FAM171A1: variants seen among roughly 807,000 people sequenced by gnomAD.
FAM171A1 encodes family with sequence similarity 171 member A1.
Under a neutral mutation model 74.9 loss-of-function variants are expected in FAM171A1, and 23 were observed. The ratio of observed to expected loss-of-function variants is 0.31; its 90% CI spans 0.22 to 0.44. FAM171A1 has a LOEUF of 0.44. FAM171A1 is among the 20% of genes least tolerant of loss of function. The pLI is 1.00. For missense variants in FAM171A1, 1,162 were observed against 1,159.2 expected, an observed-to-expected ratio of 1.00 and a Z score of -0.03; for synonymous variants, 527 against 505.7, an observed-to-expected ratio of 1.04 and a Z score of -0.57.
intron 3 of FAM171A1, among the ~76,000 whole-genome samples, chr10:15,256,932 G>A (rs1255846333): frequency 3.3e-5 from 5 of 152,012 alleles, no homozygotes; most frequent in Non-Finnish European, 5.9e-5. Flanking sequence ...TCCTCACTCC[G>A]GATGATATAA....
intron 6 of FAM171A1, among the ~76,000 whole-genome samples, chr10:15,219,605 G>C (rs1564613646): frequency 6.6e-6 from 1 of 151,970 alleles, no homozygotes. Flanking sequence ...TTTTTGAGAG[G>C]GTGTCTCGCT....
At chr10:15,233,555 T>TGTGTGC (rs1004126514) in intron 5 of FAM171A1, among the ~76,000 whole-genome samples, 3 of 149,270 alleles carry the variant, frequency 2.0e-5, no homozygotes, top group South Asian at 2.1e-4. Flanking sequence ...TGTGTGTGTG[T>TGTGTGC]GCATGTGTGT....
chr10:15,295,051 G>A (rs974089276), intron 1 of FAM171A1, among the ~76,000 whole-genome samples: 11 of 152,092 alleles, frequency 7.2e-5, no homozygotes, highest in African/African-American at 2.7e-4. Context: ...AAGTAACTGG[G>A]ATTACAGGCA....
chr10:15,213,423 T>C lies in FAM171A1; in HGVS notation c.2165A>G (p.His722Arg), dbSNP rs773380801. 6.2e-7 allele frequency: 1 copy of C among 1,614,212 alleles called. No homozygotes were observed. The highest frequency in any genetic ancestry group is 8.5e-7 in the Non-Finnish European group (1 of 1,180,046). ...AGCTCTTTGGAGATCAATGTATGAA[T>C]GTCTAACGTGAGCGTTGGACCTGCC... is the stretch of plus-strand genomic sequence containing the variant. ...LDGRSNAHVR[H>R]SYIDLQRAGR... The change falls in exon 8 of 8, where the codon CAT becomes CGT. Residue 722 changes from histidine to arginine, a missense_variant. By Grantham distance (29) the His-to-Arg change is conservative (BLOSUM62 0). Transcript: ENST00000378116. This position sits in a 1 kb window ranked among gnomAD's most constrained non-coding sequence, Gnocchi z 6.8.
At chr10:15,298,052 C>A (rs1835181587) in intron 1 of FAM171A1, among the ~76,000 whole-genome samples, 2 of 152,192 alleles carry the variant, frequency 1.3e-5, no homozygotes, top group South Asian at 4.1e-4. Flanking sequence ...TTAACAGAAT[C>A]TTCCTACAAT....
intron 1 of FAM171A1, among the ~76,000 whole-genome samples, chr10:15,306,066 T>C (rs915728031): frequency 3.9e-5 from 6 of 152,228 alleles, no homozygotes; most frequent in East Asian, 1.9e-4. Flanking sequence ...GCATGATCCA[T>C]GGATAACATG....
chr10:15,274,367 T>G (rs1834866000), intron 3 of FAM171A1, among the ~76,000 whole-genome samples: 1 of 152,132 alleles, frequency 6.6e-6, no homozygotes, highest in Non-Finnish European at 1.5e-5. Context: ...TACAAACCAC[T>G]GCTCAACGAA....
chr10:15,299,067 C>T (rs536252773), intron 1 of FAM171A1, among the ~76,000 whole-genome samples: 3 of 152,164 alleles, frequency 2.0e-5, no homozygotes, highest in East Asian at 3.9e-4. Context: ...ATTACAGGCA[C>T]GCACCACCAC....
chr10:15,269,989 C>A (rs547168169), intron 3 of FAM171A1, among the ~76,000 whole-genome samples: 1 of 152,172 alleles, frequency 6.6e-6, no homozygotes, highest in African/African-American at 2.4e-5. Flanking sequence ...ATGCAGAAGA[C>A]GGGTGATTTC....
intron 1 of FAM171A1, among the ~76,000 whole-genome samples, chr10:15,341,933 T>C (rs969727204): frequency 2.0e-5 from 3 of 152,224 alleles, no homozygotes; most frequent in Non-Finnish European, 2.9e-5. Context: ...CAGTCTGCCA[T>C]GGCCTGAATG....
intron 1 of FAM171A1, among the ~76,000 whole-genome samples, chr10:15,311,040 G>C (rs1835354314): frequency 6.6e-6 from 1 of 152,142 alleles, no homozygotes; most frequent in South Asian, 2.1e-4. Context: ...TGGAAGGATG[G>C]GCTGCTGGGG....
At chr10:15,234,957 G>C (rs1022800853) in intron 5 of FAM171A1, among the ~76,000 whole-genome samples, 2 of 151,926 alleles carry the variant, frequency 1.3e-5, no homozygotes, top group Non-Finnish European at 2.9e-5. Flanking sequence ...CCACCGTGCC[G>C]GGCCGATCAG....
chr10:15,312,322 CCTGTTGCTTACTCGCTGCTGAA>C (rs1266279271), intron 1 of FAM171A1, among the ~76,000 whole-genome samples: 1 of 152,068 alleles, frequency 6.6e-6, no homozygotes, highest in Non-Finnish European at 1.5e-5. Flanking sequence ...AGTCTAAAGC[CCTGTTGCTTACTCGCTGCTGAA>C]CTCCAAAAGG....
intron 5 of FAM171A1, among the ~76,000 whole-genome samples, chr10:15,222,855 C>A (rs528666680): frequency 3.3e-5 from 5 of 152,236 alleles, no homozygotes; most frequent in Admixed American, 3.3e-4. Context: ...CCTTCCCACG[C>A]CACAGGCTGG....
intron 1 of FAM171A1, among the ~76,000 whole-genome samples, chr10:15,323,029 A>C (rs575015923): frequency 6.6e-6 from 1 of 151,688 alleles, no homozygotes; most frequent in South Asian, 2.1e-4. Context: ...AATCCCAGCT[A>C]CTAGGGAGGC....
intron 1 of FAM171A1, among the ~76,000 whole-genome samples, chr10:15,321,875 A>AAGCAAGGAACACACAC (rs1380669991): frequency 6.6e-6 from 1 of 152,264 alleles, no homozygotes; most frequent in East Asian, 1.9e-4. Flanking sequence ...CTCTTTAGTT[A>AAGCAAGGAACACACAC]AGCAAGGAAC....
At chr10:15,269,434 T>C (rs1184005398) in intron 3 of FAM171A1, among the ~76,000 whole-genome samples, 1 of 152,006 alleles carries the variant, frequency 6.6e-6, no homozygotes, top group Admixed American at 6.6e-5. Flanking sequence ...ATGATTTAGA[T>C]GGAATAGTAT....
chr10:15,341,467 G>A (rs1435623601), intron 1 of FAM171A1, among the ~76,000 whole-genome samples: 1 of 152,012 alleles, frequency 6.6e-6, no homozygotes, highest in Non-Finnish European at 1.5e-5. Flanking sequence ...TTTCCTCCCC[G>A]CAATTGCTGG....
intron 7 of FAM171A1, among the ~76,000 whole-genome samples, 193 bp downstream of exon 7, chr10:15,215,803 T>A (rs1833959476): frequency 6.6e-6 from 1 of 152,170 alleles, no homozygotes; most frequent in Admixed American, 6.5e-5. Context: ...CCACGCAGCA[T>A]GCTTTACACA....
Sources: allele counts gnomAD v4.1 joint callset (sites outside exome capture counted in the v4.1 genomes callset), GRCh38; gene constraint gnomAD v4.1.1; non-coding constraint Gnocchi (gnomAD v3.1); transcripts MANE v1.5; gene names NCBI Gene and HGNC (gene_info 2026-07-23, HGNC 2026-07-21).